COL4A3: variants seen among roughly 807,000 people sequenced by gnomAD.
The protein encoded by COL4A3 is collagen alpha-3(IV) chain.
In COL4A3, 135 loss-of-function variants were observed where a neutral mutation model predicts 217.4. The ratio of observed to expected loss-of-function variants is 0.62; its 90% confidence interval spans 0.54 to 0.72. The LOEUF (loss-of-function observed/expected upper bound fraction) is 0.72. COL4A3 is among the 30% of genes least tolerant of loss of function. The pLI is 0.00. For missense variants in COL4A3, 1,868 were observed against 2,119.9 expected (o/e 0.88, Z 2.33); for synonymous variants, 690 against 736.3 (o/e 0.94, Z 1.02).
At chr2:227,247,728 CATG>C in intron 8 of COL4A3, 144 bp downstream of exon 8, 1 of 894,806 alleles carries the variant, frequency 1.1e-6, no homozygotes, top group Non-Finnish European at 1.9e-6. Flanking sequence ...ATAATCGGGA[CATG>C]ATATTTATTC....
At chr2:227,311,762 T>G (rs2073750551) in intron 51 of COL4A3, 24 bp from the exon 52 acceptor site, 1 of 1,608,138 alleles carries the variant, frequency 6.2e-7, no homozygotes, top group Admixed American at 1.7e-5. Context: ...ATAAATGAAT[T>G]TTTTTGGTTT....
Position 227,270,808 on chromosome 2 carries a change from A to C in COL4A3, c.1614A>C (p.Gly538=), listed in dbSNP as rs747933387. Residue 538 remains glycine (G), a synonymous_variant, in exon 25 of 52, where the codon GGA becomes GGC. Coordinates refer to ENST00000396578, the MANE Select transcript of COL4A3 (RefSeq NM_000091.5). The part of the protein sequence containing the change: ...PGAQGDPGLK[G]EKGETLQPEG... The stretch of plus-strand genomic sequence containing the variant: ...CCCAGGGTGACCCAGGACTTAAAGG[A>C]GAAAAAGGTGAAACACTTCAGCCTG... The C allele has an allele frequency of 6.2e-7, 1 of 1,614,152 alleles. No individual in the cohort carries two copies. The highest frequency in any genetic ancestry group is 8.5e-7 in the Non-Finnish European group (1 of 1,180,020).
chr2:227,266,630 T>C, intron 22 of COL4A3, 121 bp downstream of exon 22: 2 of 785,322 alleles, frequency 2.5e-6, no homozygotes, highest in Non-Finnish European at 4.4e-6. Context: ...TGACTTATTT[T>C]CCATTAGCTA....
At position 227,203,471 on chromosome 2, in the gene COL4A3, ATG is replaced by A. The variant is rs2066940651; in HGVS notation, c.88-34493_88-34492del. Among the ~76,000 whole-genome samples, 5 of 39,008 alleles carry A rather than the reference ATG, an allele frequency of 1.3e-4. 2 individuals carry two copies. The highest frequency in any genetic ancestry group is 2.3e-4 in the Non-Finnish European group (5 of 21,718). The allele number at this position is 39,008 out of a possible 152,430, so 25.6% of individuals were successfully genotyped here. A position where few individuals can be genotyped will look rare whatever the true frequency, so the allele number is the denominator to read the frequency against. The stretch of plus-strand genomic sequence containing the variant: ...TATACATACATATATGTGTGTATAT[ATG>A]TGTATACATATGTGTGTATATGTGT... On this transcript the variant is annotated intron_variant, in intron 1 of 51. Transcript: ENST00000396578.
intron 28 of COL4A3, 104 bp downstream of exon 28, chr2:227,277,657 G>T: frequency 1.4e-6 from 1 of 706,782 alleles, no homozygotes; most frequent in Non-Finnish European, 2.4e-6. Context: ...ATATAAATAG[G>T]ATATAAGATA....
chr2:227,213,662 G>A (rs2125796291), intron 1 of COL4A3, among the ~76,000 whole-genome samples: 1 of 152,218 alleles, frequency 6.6e-6, no homozygotes, highest in South Asian at 2.1e-4. Context: ...CCAGCACTTT[G>A]GGAGGCCGAG....
chr2:227,205,296 G>T (rs560912680), intron 1 of COL4A3, among the ~76,000 whole-genome samples: 4 of 151,916 alleles, frequency 2.6e-5, no homozygotes, highest in Admixed American at 2.6e-4. Flanking sequence ...AAAATATTAG[G>T]TTGTATATGA....
In COL4A3 at chr2:227,308,775, C is replaced by A. The variant is rs149470935; in HGVS notation, c.4463-124C>A. ...TTTCAATACTACATTTTGCAGATAACTCTTTTGTGTTGTCTTTGTCCAGCT... is the reference window on the plus strand; with the variant it reads ...TTTCAATACTACATTTTGCAGATAAATCTTTTGTGTTGTCTTTGTCCAGCT... On this transcript the variant is annotated intron_variant, in intron 48 of 51. Transcript: ENST00000396578. The A allele has an allele frequency of 7.7e-5, 78 of 1,010,632 alleles. 1 individual carries two copies. In the African/African-American group the frequency reaches 1.0e-3, roughly 13 times the overall value. 62.6% of individuals were successfully genotyped at this position (1,010,632 alleles called of 1,614,324 possible).
chr2:227,305,463 G>A, intron 47 of COL4A3: 1 of 190,242 alleles, frequency 5.3e-6, no homozygotes. Context: ...ATATTACCTT[G>A]GTATGAGTAG....
chr2:227,290,920 G>C, intron 37 of COL4A3, 34 bp downstream of exon 37: 1 of 1,593,676 alleles, frequency 6.3e-7, no homozygotes, highest in South Asian at 1.1e-5. Context: ...ACATTTTAGT[G>C]GTGGAGTGAG....
intron 32 of COL4A3, 132 bp from the exon 33 acceptor site, chr2:227,283,635 G>A (rs2072125778): frequency 2.7e-6 from 2 of 746,692 alleles, no homozygotes; most frequent in Non-Finnish European, 4.7e-6. Context: ...TACAGTAATT[G>A]TACTATGTAC....
In COL4A3 at chr2:227,263,841, G is replaced by C; in HGVS notation, c.1212G>C (p.Gly404=). The stretch of plus-strand genomic sequence containing the variant: ...GGCCAGGCCTGAAAGGAAGTAAAGG[G>C]GAACGAGGCCGCCCAGGAAAGGATG... ...PGWPGLKGSK[G]ERGRPGKDAM... Residue 404 remains glycine (G), a synonymous_variant, in exon 21 of 52, where the codon GGG becomes GGC. Transcript: ENST00000396578. 6.2e-7 allele frequency: 1 copy of C among 1,614,110 alleles called. No individual in the cohort carries two copies. Among genetic ancestry groups the C allele is most frequent in the Non-Finnish European group, 8.5e-7 (1 of 1,179,998 alleles).
In COL4A3 at chr2:227,273,007, C is replaced by A. The variant is rs779066867; in HGVS notation, c.1817C>A (p.Ser606Tyr). The A allele has an allele frequency of 6.2e-7, 1 of 1,613,978 alleles. No homozygotes were observed. The highest frequency in any genetic ancestry group is 1.1e-5 in the South Asian group (1 of 91,068). Residue 606 changes from serine (S) to tyrosine (Y), a missense_variant, in exon 26 of 52, where the codon TCC (serine) becomes TAC (tyrosine). Ser to Tyr is a moderately radical substitution (Grantham distance 144). This residue lies in a region of COL4A3 where 1,503 missense variants were observed against 1,786.1 expected (regional missense o/e 0.84). Transcript: ENST00000396578. ...CCAGGGGATCCTGGCTCCCCTGGGTCCCCAGGACCTGCAGGACCAGCTGGA... is the reference window on the plus strand; with the variant it reads ...CCAGGGGATCCTGGCTCCCCTGGGTACCCAGGACCTGCAGGACCAGCTGGA... The part of the protein sequence containing the change: ...GPPGDPGSPG[S>Y]PGPAGPAGPP...
At chr2:227,259,995 T>G in intron 19 of COL4A3, 118 bp downstream of exon 19, 2 of 797,772 alleles carry the variant, frequency 2.5e-6, no homozygotes, top group Non-Finnish European at 2.3e-6. Flanking sequence ...CAGAGATCTC[T>G]TCATTTTCAT....
intron 1 of COL4A3, chr2:227,228,703 A>G (rs2068231023): frequency 6.6e-6 from 1 of 152,220 alleles, no homozygotes. Context: ...ATAAAAATGC[A>G]TGTGCATATT....
chr2:227,279,104 T>A (rs1283656205), intron 28 of COL4A3, among the ~76,000 whole-genome samples: 2 of 148,374 alleles, frequency 1.3e-5, no homozygotes, highest in South Asian at 4.3e-4. Flanking sequence ...TGAGACAAAG[T>A]TTCGCTTTTG....
At chr2:227,174,553 T>C (rs557309953) in intron 1 of COL4A3, among the ~76,000 whole-genome samples, 9 of 152,092 alleles carry the variant, frequency 5.9e-5, no homozygotes, top group Admixed American at 2.0e-4. Flanking sequence ...GTCACCCAGG[T>C]TGGAGTGCAG....
At chr2:227,236,028 C>T (rs2068679736) in intron 1 of COL4A3, among the ~76,000 whole-genome samples, 1 of 152,070 alleles carries the variant, frequency 6.6e-6, no homozygotes, top group South Asian at 2.1e-4. Flanking sequence ...CCCCCCTGGG[C>T]CTCGCAAAGT....
chr2:227,232,250 A>G (rs920365956), intron 1 of COL4A3, among the ~76,000 whole-genome samples: 12 of 152,314 alleles, frequency 7.9e-5, no homozygotes, highest in African/African-American at 2.6e-4. Context: ...TAGCTATAGT[A>G]TACTCTGGTT....
Sources: allele counts gnomAD v4.1 joint callset (sites outside exome capture counted in the v4.1 genomes callset), GRCh38; gene constraint gnomAD v4.1.1; regional missense constraint gnomAD v4.1.1; transcripts MANE v1.5; gene names NCBI Gene and HGNC (gene_info 2026-07-23, HGNC 2026-07-21).